FBXO11: variants seen among roughly 807,000 people sequenced by gnomAD.
FBXO11 encodes F-box protein 11.
A neutral mutation model predicts 117.0 loss-of-function variants in FBXO11; 13 were observed. That is an observed-to-expected ratio of 0.11 (90% CI 0.07 to 0.18). The LOEUF (loss-of-function observed/expected upper bound fraction) is 0.18, where lower values mean the gene tolerates loss of function less well. Ranked by LOEUF, FBXO11 falls within the 10% of genes least tolerant of loss-of-function variation. The pLI is 1.00. For missense variants in FBXO11, 767 were observed against 1,164.4 expected (o/e 0.66, Z 4.97); for synonymous variants, 490 against 380.5 (o/e 1.29, Z -3.35).
At position 47,905,527 on chromosome 2, in the gene FBXO11, G is replaced by A. The variant is rs1558492981; in HGVS notation, c.194C>T (p.Pro65Leu). Residue 65 changes from proline (P) to leucine (L), a missense_variant, in exon 1 of 23, where the codon CCG becomes CTG. Physicochemically the swap from Pro to Leu is moderately conservative, Grantham distance 98. Around this residue, in one of 10 missense-constraint regions of FBXO11, gnomAD observed 355 missense variants for 299.8 expected, o/e 1.18. Transcript: ENST00000403359. ...GTTGTTCCGCTCCTGAGGCAGCGGC[G>A]GAGGCGGCGGTGGCGGCGGCGGAGG... The part of the protein sequence containing the change: ...QQPPPPPPPP[P>L]PLPQERNNVG... The A allele has an allele frequency of 1.6e-6, 2 of 1,235,554 alleles. No homozygotes were observed. Among genetic ancestry groups the A allele is most frequent in the Non-Finnish European group, 2.0e-6 (2 of 991,922 alleles). 76.5% of individuals were successfully genotyped at this position (1,235,554 alleles called of 1,614,324 possible).
intron 1 of FBXO11, among the ~76,000 whole-genome samples, chr2:47,860,923 T>C (rs1218936234): frequency 6.7e-6 from 1 of 149,682 alleles, no homozygotes; most frequent in Non-Finnish European, 1.5e-5. Flanking sequence ...CTCGGCTCAC[T>C]GCAACCTCCA....
intron 19 of FBXO11, 93 bp from the exon 20 acceptor site, chr2:47,809,800 T>C (rs1670484353): frequency 2.6e-6 from 2 of 759,486 alleles, no homozygotes; most frequent in African/African-American, 1.7e-5. Flanking sequence ...GCTTCTTTTA[T>C]AGAAGTACAT....
intron 1 of FBXO11, among the ~76,000 whole-genome samples, chr2:47,902,930 AAAC>A (rs1408237451): frequency 1.3e-5 from 2 of 151,906 alleles, no homozygotes; most frequent in African/African-American, 2.4e-5. Flanking sequence ...AAAAAAAAAA[AAAC>A]AAAAACCACA....
intron 1 of FBXO11, among the ~76,000 whole-genome samples, chr2:47,903,773 T>G (rs930692854): frequency 6.6e-6 from 1 of 152,238 alleles, no homozygotes; most frequent in Non-Finnish European, 1.5e-5. Flanking sequence ...TGTCATTGTT[T>G]TCTCAAACAT....
At chr2:47,855,589 T>C (rs1674224016) in intron 1 of FBXO11, among the ~76,000 whole-genome samples, 4 of 152,116 alleles carry the variant, frequency 2.6e-5, no homozygotes, top group Non-Finnish European at 4.4e-5. Context: ...ATCCCAGCAC[T>C]TTGGGAGGCC....
intron 1 of FBXO11, among the ~76,000 whole-genome samples, chr2:47,895,582 G>A (rs74425959): frequency 0.014 from 2,067 of 152,288 alleles, 54 homozygotes; most frequent in African/African-American, 0.048. Context: ...ACACAGATGT[G>A]TTTACTTCAG....
At position 47,895,713 on chromosome 2, in the gene FBXO11, G is replaced by C. The variant is rs539651915; in HGVS notation, c.232+9776C>G. 4.6e-5 allele frequency among the ~76,000 whole-genome samples: 7 copies of C among 151,714 alleles called. No homozygotes were observed. In the South Asian group the frequency reaches 1.5e-3, roughly 32 times the overall value. ...AGTTTATGTTGTTGTTTTTTTTTGA[G>C]ACAGAATTTCACTCTTTCACCCAGG... On this transcript the variant is annotated intron_variant, in intron 1 of 22. Coordinates refer to ENST00000403359, the MANE Select transcript of FBXO11 (RefSeq NM_001190274.2).
At chr2:47,869,404 A>G (rs1228377015) in intron 1 of FBXO11, among the ~76,000 whole-genome samples, 1 of 152,240 alleles carries the variant, frequency 6.6e-6, no homozygotes, top group East Asian at 1.9e-4. Flanking sequence ...GATCTTGACA[A>G]CCAAGCGGTA....
intron 1 of FBXO11, among the ~76,000 whole-genome samples, chr2:47,896,545 G>C (rs2104017830): frequency 6.6e-6 from 1 of 152,106 alleles, no homozygotes; most frequent in Admixed American, 6.5e-5. Context: ...GCCCAGGCAG[G>C]TCTCAAACTC....
chr2:47,859,290 T>C (rs1572859169), intron 1 of FBXO11, among the ~76,000 whole-genome samples: 1 of 152,100 alleles, frequency 6.6e-6, no homozygotes, highest in East Asian at 1.9e-4. Flanking sequence ...GTTCAAAATA[T>C]TAAAATACAA....
At chr2:47,840,208 G>A (rs375514346) in intron 1 of FBXO11, among the ~76,000 whole-genome samples, 1 of 152,240 alleles carries the variant, frequency 6.6e-6, no homozygotes, top group East Asian at 1.9e-4. Context: ...CTCCCAAAGT[G>A]CTGGGATTAC....
chr2:47,897,260 A>C (rs1483625797), intron 1 of FBXO11, among the ~76,000 whole-genome samples: 1 of 152,246 alleles, frequency 6.6e-6, no homozygotes, highest in Admixed American at 6.5e-5. Context: ...TGGATATAAA[A>C]AAGAATTATT....
intron 19 of FBXO11, 91 bp from the exon 20 acceptor site, chr2:47,809,798 T>C: frequency 1.3e-6 from 1 of 788,164 alleles, no homozygotes; most frequent in South Asian, 1.6e-5. Context: ...CTGCTTCTTT[T>C]ATAGAAGTAC....
chr2:47,828,308 A>ATG (rs1401733307), intron 11 of FBXO11, among the ~76,000 whole-genome samples: 3 of 152,204 alleles, frequency 2.0e-5, no homozygotes, highest in Non-Finnish European at 4.4e-5. Flanking sequence ...TGCAAACCAC[A>ATG]AAAGTTCCAA....
intron 1 of FBXO11, among the ~76,000 whole-genome samples, chr2:47,860,868 C>T (rs764065191): frequency 7.7e-5 from 9 of 116,150 alleles, no homozygotes; most frequent in Non-Finnish European, 1.2e-4. Context: ...TTTTTTGAGA[C>T]GGAGTTTCAC....
chr2:47,869,238 T>A (rs1675428547), intron 1 of FBXO11, among the ~76,000 whole-genome samples: 1 of 152,238 alleles, frequency 6.6e-6, no homozygotes, highest in Non-Finnish European at 1.5e-5. Flanking sequence ...TGTGAGCTTA[T>A]GCTCTGCTGG....
chr2:47,824,514 T>G (rs1042185732), intron 11 of FBXO11, among the ~76,000 whole-genome samples: 3 of 152,012 alleles, frequency 2.0e-5, no homozygotes, highest in African/African-American at 7.2e-5. Context: ...AAGAACACAA[T>G]CAGAGTCTTA....
At chr2:47,861,959 C>G (rs552464580) in intron 1 of FBXO11, among the ~76,000 whole-genome samples, 1 of 151,760 alleles carries the variant, frequency 6.6e-6, no homozygotes, top group East Asian at 1.9e-4. Flanking sequence ...GTTGCCCAGG[C>G]TGGAGTGCAG....
chr2:47,843,550 A>G (rs1166762930), intron 1 of FBXO11, among the ~76,000 whole-genome samples: 1 of 152,104 alleles, frequency 6.6e-6, no homozygotes, highest in East Asian at 1.9e-4. Context: ...TCATTATGTA[A>G]TTAATGGCTT....
Sources: allele counts gnomAD v4.1 joint callset (sites outside exome capture counted in the v4.1 genomes callset), GRCh38; gene constraint gnomAD v4.1.1; regional missense constraint gnomAD v4.1.1; transcripts MANE v1.5; gene names NCBI Gene and HGNC (gene_info 2026-07-23, HGNC 2026-07-21).